PTPRG: variants seen among roughly 807,000 people sequenced by gnomAD.
PTPRG encodes receptor-type tyrosine-protein phosphatase gamma.
PTPRG carries 102 observed loss-of-function variants against 165.3 expected under a neutral mutation model. The ratio of observed to expected loss-of-function variants is 0.62; its 90% CI spans 0.53 to 0.73. PTPRG has a LOEUF of 0.73. Among genes scored for constraint, PTPRG ranks in the 30% least tolerant of loss-of-function variants. The probability of loss-of-function intolerance (pLI) is 0.00; values close to 1 mark genes in which losing one functional copy is unlikely to be tolerated. For missense variants in PTPRG, 1,866 were observed against 1,861.4 expected, an observed-to-expected ratio of 1.00 and a Z score of -0.05; for synonymous variants, 675 against 669.5, an observed-to-expected ratio of 1.01 and a Z score of -0.13.
At chr3:61,975,867 G>A (rs974566688) in intron 2 of PTPRG, among the ~76,000 whole-genome samples, 8 of 152,072 alleles carry the variant, frequency 5.3e-5, no homozygotes, top group African/African-American at 1.9e-4. Context: ...AAGAAAGCCG[G>A]CCATTTTTAC....
At chr3:62,149,770 C>T (rs1248200028) in intron 6 of PTPRG, among the ~76,000 whole-genome samples, 3 of 152,220 alleles carry the variant, frequency 2.0e-5, no homozygotes, top group Non-Finnish European at 2.9e-5. Context: ...CCCAGAGCTG[C>T]TGACTCCATG....
At chr3:61,584,740 C>G (rs372396672) in intron 1 of PTPRG, among the ~76,000 whole-genome samples, 1 of 151,994 alleles carries the variant, frequency 6.6e-6, no homozygotes, top group African/African-American at 2.4e-5. Context: ...TTTTGTAGGT[C>G]CTTAGTAATC....
At position 62,255,133 on chromosome 3, in the gene PTPRG, A is replaced by G; in HGVS notation, c.2477A>G (p.Glu826Gly). ...ATTTTATTCCCCCCAGATGACATGGAAGCCATTCCTGTCAAACAGTTTGTC... is the reference window on the plus strand; with the variant it reads ...ATTTTATTCCCCCCAGATGACATGGGAGCCATTCCTGTCAAACAGTTTGTC... ...IPIIPIPDDM[E>G]AIPVKQFVKH... The change falls in exon 16 of 30, where the codon GAA becomes GGA. Residue 826 changes from glutamate to glycine, a missense_variant. Coordinates refer to ENST00000474889, the MANE Select transcript of PTPRG (RefSeq NM_002841.4). This position sits in a 1 kb window ranked among gnomAD's most constrained non-coding sequence, Gnocchi z 4.0. The G allele has an allele frequency of 6.2e-7, 1 of 1,612,384 alleles. No homozygotes were observed. Among genetic ancestry groups the G allele is most frequent in the East Asian group, 2.2e-5 (1 of 44,804 alleles).
At chr3:61,945,413 G>A (rs2039732205) in intron 2 of PTPRG, among the ~76,000 whole-genome samples, 1 of 151,910 alleles carries the variant, frequency 6.6e-6, no homozygotes, top group Admixed American at 6.6e-5. Flanking sequence ...TACAAAATTA[G>A]GTGGGCGTGA....
chr3:62,235,368 G>GTAAT (rs1333357312), intron 14 of PTPRG, among the ~76,000 whole-genome samples: 1 of 152,162 alleles, frequency 6.6e-6, no homozygotes, highest in Non-Finnish European at 1.5e-5. Context: ...TCTTTTCTAA[G>GTAAT]TAATAGCTGG....
chr3:61,864,183 A>G (rs1288512865), intron 2 of PTPRG, among the ~76,000 whole-genome samples: 1 of 152,192 alleles, frequency 6.6e-6, no homozygotes, highest in Non-Finnish European at 1.5e-5. Context: ...TGAACCTGTC[A>G]TGGATAATTC....
intron 3 of PTPRG, among the ~76,000 whole-genome samples, chr3:61,999,201 AC>A (rs1005298804): frequency 1.6e-4 from 24 of 152,180 alleles, no homozygotes; most frequent in African/African-American, 5.8e-4. Context: ...GCCCGCCACC[AC>A]ACCCGGCTAG....
At chr3:61,868,635 T>C (rs2037476281) in intron 2 of PTPRG, among the ~76,000 whole-genome samples, 1 of 152,238 alleles carries the variant, frequency 6.6e-6, no homozygotes, top group African/African-American at 2.4e-5. Context: ...ACTTGGCTTA[T>C]AGAATCACCC....
At chr3:61,736,914 A>G (rs936855315) in intron 1 of PTPRG, among the ~76,000 whole-genome samples, 1 of 152,224 alleles carries the variant, frequency 6.6e-6, no homozygotes, top group African/African-American at 2.4e-5. Flanking sequence ...AAAGGAAGGC[A>G]TATATCAGAC....
At chr3:61,887,165 TATA>T (rs2038072819) in intron 2 of PTPRG, among the ~76,000 whole-genome samples, 1 of 135,394 alleles carries the variant, frequency 7.4e-6, no homozygotes, top group East Asian at 2.5e-4. Context: ...TATATATATA[TATA>T]TATTTTTAAT....
intron 1 of PTPRG, among the ~76,000 whole-genome samples, chr3:61,661,682 ACTTCT>A (rs1163863124): frequency 3.3e-5 from 5 of 152,072 alleles, no homozygotes; most frequent in Non-Finnish European, 1.5e-5. Context: ...TTTCTTAATC[ACTTCT>A]CTTTTCTTTG....
chr3:62,132,635 A>G lies in PTPRG; in HGVS notation c.649A>G (p.Ile217Val), dbSNP rs769343658. Residue 217 changes from isoleucine (I) to valine (V), a missense_variant, in exon 6 of 30, where the codon ATT becomes GTT. By Grantham distance (29) the Ile-to-Val change is conservative. This residue lies in a region of PTPRG where 408 missense variants were observed against 376.2 expected (regional missense o/e 1.08). Transcript: ENST00000474889. ...SPRDNSALDP[I>V]IHGLKGVVHH... ...GAGGGACAATTCTGCACTGGATCCT[A>G]TTATCCACGGGTTGAAGGGTGTCGT... 27 of 1,612,350 alleles carry G rather than the reference A, an allele frequency of 1.7e-5. No homozygotes were observed. Among genetic ancestry groups the G allele is most frequent in the Middle Eastern group, 1.6e-4 (1 of 6,082 alleles).
At chr3:62,256,635 A>G (rs1701542756) in intron 16 of PTPRG, among the ~76,000 whole-genome samples, 2 of 152,214 alleles carry the variant, frequency 1.3e-5, no homozygotes, top group Non-Finnish European at 1.5e-5. Context: ...TGTTGGCTGG[A>G]TGACTGAGCA....
chr3:62,138,524 G>C (rs1180562508), intron 6 of PTPRG, among the ~76,000 whole-genome samples: 1 of 152,114 alleles, frequency 6.6e-6, no homozygotes, highest in Non-Finnish European at 1.5e-5. Flanking sequence ...TTGGAGACCA[G>C]CCTGGCCAAC....
intron 1 of PTPRG, among the ~76,000 whole-genome samples, chr3:61,608,908 C>T (rs1174490772): frequency 6.6e-6 from 1 of 152,162 alleles, no homozygotes; most frequent in Non-Finnish European, 1.5e-5. Flanking sequence ...GATAATACTC[C>T]ATCTGAGGTC....
chr3:61,637,543 C>G (rs937001035), intron 1 of PTPRG, among the ~76,000 whole-genome samples: 1 of 152,166 alleles, frequency 6.6e-6, no homozygotes, highest in African/African-American at 2.4e-5. Context: ...CTGTGCAGAT[C>G]AAGCAGAACG....
intron 4 of PTPRG, among the ~76,000 whole-genome samples, chr3:62,011,428 C>G (rs1041704482): frequency 6.6e-6 from 1 of 152,110 alleles, no homozygotes; most frequent in African/African-American, 2.4e-5. Flanking sequence ...TAAGACAATG[C>G]CTGTTTTCTC....
rs1487217168 is a variant in PTPRG, at chr3:61,906,527, T to C, written c.191-83098T>C. Among the ~76,000 whole-genome samples, 3 of 152,042 alleles carry C rather than the reference T, an allele frequency of 2.0e-5. No individual in the cohort carries two copies. The East Asian group carries it at 5.8e-4, about 29-fold the overall frequency. ...GCTCACACCTGTAATCTCAGCACTT[T>C]GTGAGGTCGAGGTAGGAGGATCACT... On this transcript the variant is annotated intron_variant, in intron 2 of 29. Coordinates refer to ENST00000474889, the MANE Select transcript of PTPRG (RefSeq NM_002841.4).
chr3:61,851,762 T>C (rs1167332719), intron 2 of PTPRG, among the ~76,000 whole-genome samples: 2 of 152,230 alleles, frequency 1.3e-5, no homozygotes, highest in Non-Finnish European at 2.9e-5. Flanking sequence ...GAGAGACATA[T>C]TCTGATTGAG....
Sources: gnomAD v4.1 joint callset for allele counts (sites outside exome capture counted in the v4.1 genomes callset) on GRCh38, gnomAD v4.1.1 for gene constraint, gnomAD v4.1.1 regional missense constraint, Gnocchi (gnomAD v3.1) non-coding constraint, MANE v1.5 for transcripts, NCBI Gene and HGNC (gene_info 2026-07-23, HGNC 2026-07-21) for gene names.